RPS6KA6: variants seen among roughly 807,000 people sequenced by gnomAD.
RPS6KA6 encodes the protein ribosomal protein S6 kinase A6, also known as ribosomal protein S6 kinase alpha-6.
A neutral mutation model predicts 65.4 loss-of-function variants in RPS6KA6; 27 were observed. The observed-to-expected ratio is 0.41, with a 90% CI of 0.30 to 0.57. The LOEUF is 0.57. Ranked by LOEUF, RPS6KA6 falls within the 20% of genes least tolerant of loss-of-function variation. RPS6KA6 has a pLI of 0.24. For synonymous variants in RPS6KA6, 190 were observed against 184.2 expected (o/e 1.03, Z -0.26); for missense variants, 486 against 555.6 (o/e 0.87, Z 1.26).
chrX:84,105,768 T>C lies in RPS6KA6; in HGVS notation c.1455+19A>G, dbSNP rs775279331. On this transcript the variant is annotated intron_variant, in intron 16 of 21. Transcript: ENST00000262752. ...TAACTTCATTAGCTTAGCTGATACC[T>C]AGATTTAGAAATACCTACATCCTTC... 2.1e-6 allele frequency: 2 copies of C among 964,283 alleles called. No individual in the cohort carries two copies. The highest frequency in any genetic ancestry group is 2.5e-5 in the Admixed American group (1 of 39,226). 79.5% of individuals were successfully genotyped at this position (964,283 alleles called of 1,213,427 possible).
chrX:84,158,643 T>C lies in RPS6KA6; in HGVS notation c.142-2452A>G, dbSNP rs112417528. Among the ~76,000 whole-genome samples the C allele has an allele frequency of 9.2e-3, 1,025 of 111,367 alleles. 4 individuals are homozygous for C. Among genetic ancestry groups the C allele is most frequent in the Non-Finnish European group, 0.014 (726 of 52,831 alleles). On this transcript the variant is annotated intron_variant, in intron 2 of 21. Coordinates refer to ENST00000262752, the MANE Select transcript of RPS6KA6 (RefSeq NM_014496.5). ...TTTATTACACTGTGCTGAGTATGTG[T>C]TGTACTCAACACAAATAAAGGACAC...
At chrX:84,104,280 G>A (rs1047298185) in intron 17 of RPS6KA6, among the ~76,000 whole-genome samples, 7 of 111,048 alleles carry the variant, frequency 6.3e-5, no homozygotes, top group African/African-American at 2.0e-4. Flanking sequence ...AATTCAAACC[G>A]CTTTTTAAAT....
intron 20 of RPS6KA6, among the ~76,000 whole-genome samples, chrX:84,087,775 C>A (rs2033957511): frequency 8.9e-6 from 1 of 111,732 alleles, no homozygotes; most frequent in Non-Finnish European, 1.9e-5. Context: ...CCATTCTCCC[C>A]ATCTCTTTCC....
intron 12 of RPS6KA6, among the ~76,000 whole-genome samples, chrX:84,111,462 A>C (rs1324793591): frequency 9.0e-6 from 1 of 111,687 alleles, no homozygotes; most frequent in African/African-American, 3.3e-5. Flanking sequence ...TCACCAATAA[A>C]GGAAATCTCA....
chrX:84,095,338 C>T (rs1404981727), intron 20 of RPS6KA6, among the ~76,000 whole-genome samples: 1 of 110,328 alleles, frequency 9.1e-6, no homozygotes, highest in Non-Finnish European at 1.9e-5. Context: ...CTAAAAGCCA[C>T]ATGGTGACAA....
intron 18 of RPS6KA6, among the ~76,000 whole-genome samples, chrX:84,099,595 G>C (rs1417946310): frequency 9.0e-6 from 1 of 111,068 alleles, no homozygotes; most frequent in Non-Finnish European, 1.9e-5. Context: ...TTCAAAATTA[G>C]TTTATAAAAA....
chrX:84,171,833 T>C (rs1423262855), intron 1 of RPS6KA6, among the ~76,000 whole-genome samples: 1 of 110,611 alleles, frequency 9.0e-6, no homozygotes, highest in Non-Finnish European at 1.9e-5. Flanking sequence ...CCCGCCCTTT[T>C]CCCGCCAACC....
chrX:84,122,484 C>T, intron 8 of RPS6KA6, among the ~76,000 whole-genome samples: 1 of 106,709 alleles, frequency 9.4e-6, no homozygotes, highest in Non-Finnish European at 1.9e-5. Flanking sequence ...GCGCCCGCCA[C>T]CACGGGCAGC....
At chrX:84,078,959 A>G (rs2147351838) in intron 20 of RPS6KA6, among the ~76,000 whole-genome samples, 1 of 111,447 alleles carries the variant, frequency 9.0e-6, no homozygotes, top group South Asian at 3.8e-4. Flanking sequence ...CTACCCCACT[A>G]TAGTTGCTTA....
chrX:84,091,260 C>A (rs2034038650), intron 20 of RPS6KA6, among the ~76,000 whole-genome samples: 1 of 112,292 alleles, frequency 8.9e-6, no homozygotes, highest in South Asian at 3.6e-4. Flanking sequence ...CACAATAGGA[C>A]AACATGTGTA....
At chrX:84,117,939 C>T (rs2034599116) in intron 9 of RPS6KA6, among the ~76,000 whole-genome samples, 1 of 110,617 alleles carries the variant, frequency 9.0e-6, no homozygotes, top group African/African-American at 3.3e-5. Flanking sequence ...GAACACACCA[C>T]CACCACCACC....
intron 6 of RPS6KA6, among the ~76,000 whole-genome samples, chrX:84,141,442 G>A (rs1316474920): frequency 9.2e-6 from 1 of 108,721 alleles, no homozygotes; most frequent in African/African-American, 3.3e-5. Flanking sequence ...AAGAAGCCAG[G>A]AGAAGAGGGA....
intron 2 of RPS6KA6, among the ~76,000 whole-genome samples, chrX:84,161,291 A>G (rs1421151278): frequency 9.0e-6 from 1 of 111,505 alleles, no homozygotes; most frequent in South Asian, 3.7e-4. Context: ...GTTGAAACTC[A>G]TAAGTTGAAC....
At chrX:84,124,293 C>A (rs1387390983) in intron 8 of RPS6KA6, among the ~76,000 whole-genome samples, 1 of 111,294 alleles carries the variant, frequency 9.0e-6, no homozygotes, top group Non-Finnish European at 1.9e-5. Flanking sequence ...CATGACCTCA[C>A]CAAATGAACT....
chrX:84,147,181 T>C (rs2035214278), intron 4 of RPS6KA6, 123 bp from the exon 5 acceptor site: 1 of 421,557 alleles, frequency 2.4e-6, no homozygotes, highest in African/African-American at 2.5e-5. Flanking sequence ...TGCCGAAATT[T>C]GCAGTTTTCA....
chrX:84,107,539 T>C, intron 13 of RPS6KA6, 84 bp downstream of exon 13: 3 of 549,265 alleles, frequency 5.5e-6, no homozygotes, highest in Non-Finnish European at 2.8e-6. Flanking sequence ...TTACCATTCT[T>C]TTAGTTTTTA....
chrX:84,077,258 T>C (rs765662985), intron 20 of RPS6KA6, among the ~76,000 whole-genome samples: 5 of 110,969 alleles, frequency 4.5e-5, no homozygotes, highest in Non-Finnish European at 9.5e-5. Flanking sequence ...ATAAAATTCA[T>C]ATGGCAATGC....
intron 16 of RPS6KA6, among the ~76,000 whole-genome samples, chrX:84,105,251 A>G (rs2034336074): frequency 9.0e-6 from 1 of 111,288 alleles, no homozygotes; most frequent in Non-Finnish European, 1.9e-5. Context: ...AAATTGATCA[A>G]GGTGATAGTT....
intron 12 of RPS6KA6, 116 bp from the exon 13 acceptor site, chrX:84,107,841 T>C (rs1279173166): frequency 5.8e-6 from 2 of 345,164 alleles, no homozygotes; most frequent in East Asian, 4.7e-5. Context: ...AACAATTTCA[T>C]AGTTTCAGAT....
Sources: allele counts gnomAD v4.1 joint callset (sites outside exome capture counted in the v4.1 genomes callset), GRCh38; gene constraint gnomAD v4.1.1; transcripts MANE v1.5; gene names NCBI Gene and HGNC (gene_info 2026-07-23, HGNC 2026-07-21).